The following REV3L variants were observed in gnomAD, a reference collection of about 807,000 sequenced individuals.
The protein encoded by REV3L is DNA polymerase zeta catalytic subunit.
A neutral mutation model predicts 299.4 loss-of-function variants in REV3L; 69 were observed. That is an observed-to-expected ratio of 0.23 (90% CI 0.19 to 0.28). REV3L has a LOEUF of 0.28. Ranked by LOEUF, REV3L falls within the 10% of genes least tolerant of loss-of-function variation. The probability of loss-of-function intolerance (pLI) is 1.00; values close to 1 mark genes in which losing one functional copy is unlikely to be tolerated. For synonymous variants in REV3L, 1,238 were observed against 1,271.4 expected, an observed-to-expected ratio of 0.97 and a Z score of 0.56; for missense variants, 3,128 against 3,693.8, an observed-to-expected ratio of 0.85 and a Z score of 3.97.
Position 111,367,104 on chromosome 6 carries a change from T to G in REV3L, c.6673+11A>C. 6.5e-7 allele frequency: 1 copy of G among 1,543,090 alleles called. No individual in the cohort carries two copies. ...ACAATTATGGAGACTTCCTGTTATT[T>G]GTACACTTACCTGTTGATAATGGGC... On this transcript the variant is annotated intron_variant, in intron 14 of 31. Coordinates refer to ENST00000368802, the MANE Select transcript of REV3L (RefSeq NM_001372078.1).
upstream of REV3L, chr6:111,483,547 G>A (rs1233007203): frequency 6.0e-6 from 3 of 496,916 alleles, no homozygotes; most frequent in Non-Finnish European, 7.8e-6. Flanking sequence ...AGTGTTCGGG[G>A]CCGTTTTGGC....
intron 1 of REV3L, among the ~76,000 whole-genome samples, chr6:111,456,076 C>T (rs1460327706): frequency 1.3e-5 from 2 of 152,152 alleles, no homozygotes; most frequent in Admixed American, 1.3e-4. Context: ...TTTATTTATA[C>T]ATATTTTTTC....
intron 25 of REV3L, among the ~76,000 whole-genome samples, chr6:111,326,227 C>G (rs2114802147): frequency 6.6e-6 from 1 of 152,228 alleles, no homozygotes; most frequent in Non-Finnish European, 1.5e-5. Flanking sequence ...TATTTGCAAA[C>G]TACCCATCTA....
chr6:111,344,986 A>C (rs1034184499), intron 20 of REV3L, among the ~76,000 whole-genome samples: 2 of 152,198 alleles, frequency 1.3e-5, no homozygotes, highest in African/African-American at 4.8e-5. Flanking sequence ...AATGCAGCAC[A>C]CTTCACAGTG....
chr6:111,390,220 G>C (rs1185979197), intron 5 of REV3L, 40 bp from the exon 6 acceptor site: 1 of 1,245,084 alleles, frequency 8.0e-7, no homozygotes, highest in South Asian at 1.2e-5. Flanking sequence ...AATTATGTGA[G>C]AGCAAACTTT....
chr6:111,303,537 T>C (rs1241616272), intron 31 of REV3L, among the ~76,000 whole-genome samples: 1 of 151,420 alleles, frequency 6.6e-6, no homozygotes, highest in East Asian at 1.9e-4. Flanking sequence ...CTGCTAATTT[T>C]TGTATTTTTA....
At chr6:111,423,637 G>A (rs1473192397) in intron 1 of REV3L, among the ~76,000 whole-genome samples, 1 of 152,116 alleles carries the variant, frequency 6.6e-6, no homozygotes, top group Non-Finnish European at 1.5e-5. Context: ...GTTCCCTGTG[G>A]ACACATTGTG....
Position 111,299,958 on chromosome 6 carries a change from A to G in REV3L, c.*58T>C. The G allele has an allele frequency of 6.5e-7, 1 of 1,528,824 alleles. No homozygotes were observed. Among genetic ancestry groups the G allele is most frequent in the South Asian group, 1.3e-5 (1 of 79,954 alleles). 94.7% of individuals were successfully genotyped at this position (1,528,824 alleles called of 1,614,324 possible). A position where few individuals can be genotyped will look rare whatever the true frequency, so the allele number is the denominator to read the frequency against. On this transcript the variant is annotated 3_prime_UTR_variant, in exon 32 of 32. Transcript: ENST00000368802. Reference sequence around the variant, plus strand: ...TGAAAGTTAAAAAGCACCATGCACAACAGTTTAGTGGTAAGCACTGAAAAA... The same window carrying G: ...TGAAAGTTAAAAAGCACCATGCACAGCAGTTTAGTGGTAAGCACTGAAAAA...
At chr6:111,445,452 A>G (rs775561069) in intron 1 of REV3L, among the ~76,000 whole-genome samples, 2 of 152,238 alleles carry the variant, frequency 1.3e-5, no homozygotes, top group Non-Finnish European at 2.9e-5. Context: ...TAGAAATTGG[A>G]GTAAAGTTAC....
At chr6:111,453,398 GGT>G (rs1212736915) in intron 1 of REV3L, among the ~76,000 whole-genome samples, 4 of 152,070 alleles carry the variant, frequency 2.6e-5, no homozygotes, top group Admixed American at 6.5e-5. Flanking sequence ...GGAAAATAGA[GGT>G]ATCTCCATTT....
At chr6:111,468,997 C>A (rs1360294937) in intron 1 of REV3L, among the ~76,000 whole-genome samples, 1 of 151,942 alleles carries the variant, frequency 6.6e-6, no homozygotes, top group African/African-American at 2.4e-5. Context: ...CCTGTCTCTA[C>A]TAAAAATACA....
chr6:111,339,337 C>T lies in REV3L; in HGVS notation c.7539-3727G>A, dbSNP rs1227328712. Among the ~76,000 whole-genome samples the T allele has an allele frequency of 3.3e-5, 5 of 152,050 alleles. No homozygotes were observed. In the East Asian group the frequency reaches 9.7e-4, roughly 29 times the overall value. The stretch of plus-strand genomic sequence containing the variant: ...AGACTAATCCATCCTAGTTTACAAA[C>T]CTAGTACACTAGAACCTGAGATTTT... On this transcript the variant is annotated intron_variant, in intron 21 of 31. Coordinates refer to ENST00000368802, the MANE Select transcript of REV3L (RefSeq NM_001372078.1).
Position 111,331,769 on chromosome 6 carries a change from T to C in REV3L, c.7941A>G (p.Lys2647=). The C allele has an allele frequency of 1.2e-6, 2 of 1,611,098 alleles. No homozygotes were observed. Among genetic ancestry groups the C allele is most frequent in the Non-Finnish European group, 1.7e-6 (2 of 1,177,644 alleles). The part of the protein sequence containing the change: ...VENLGKYDEF[K]FGCTSLRVPP... ...GTACTCTCAGAGAGGTACAGCCAAA[T>C]TTGAACTCATCATACCTGTTAAGAA... Residue 2647 remains lysine, a synonymous_variant, in exon 24 of 32, where the codon AAA becomes AAG. Coordinates refer to ENST00000368802, the MANE Select transcript of REV3L (RefSeq NM_001372078.1).
chr6:111,367,163 G>A lies in REV3L; in HGVS notation c.6625C>T (p.Leu2209Phe), dbSNP rs1473888564. ...GGTGCTTCAGGAAGCCTTTCCAGAA[G>A]TTTTCTCTGTATGATTGGTGTACTA... ...FHSTPIIQRK[L>F]LERLPEAPGL... The change falls in exon 14 of 32, where the codon CTT becomes TTT. Residue 2209 changes from leucine to phenylalanine, a missense_variant. Around this residue, in one of 9 missense-constraint regions of REV3L, gnomAD observed 2,409 missense variants for 2,611.8 expected, o/e 0.92. Coordinates refer to ENST00000368802, the MANE Select transcript of REV3L (RefSeq NM_001372078.1). The A allele has an allele frequency of 6.2e-7, 1 of 1,609,694 alleles. No homozygotes were observed. The highest frequency in any genetic ancestry group is 1.1e-5 in the South Asian group (1 of 89,928).
intron 20 of REV3L, among the ~76,000 whole-genome samples, chr6:111,346,058 A>G (rs1776991041): frequency 6.6e-6 from 1 of 152,186 alleles, no homozygotes; most frequent in Non-Finnish European, 1.5e-5. Flanking sequence ...ATCACAAGAG[A>G]ACTTCCACAG....
At chr6:111,371,534 G>A (rs547757356) in intron 13 of REV3L, among the ~76,000 whole-genome samples, 18 of 151,378 alleles carry the variant, frequency 1.2e-4, no homozygotes, top group Admixed American at 2.6e-4. Context: ...GGGACCACAG[G>A]TGCATGCCAC....
chr6:111,431,489 G>A lies in REV3L; in HGVS notation c.140-15017C>T, dbSNP rs17539253. ...ATGAGACCACCAGATTGCTCAGGGA[G>A]CTAGCTCCAGGAAGCCCAGAATGAA... On this transcript the variant is annotated intron_variant, in intron 1 of 31. Coordinates refer to ENST00000368802, the MANE Select transcript of REV3L (RefSeq NM_001372078.1). 9.8e-5 allele frequency: 98 copies of A among 996,240 alleles called. No homozygotes were observed. In the African/African-American group the frequency reaches 1.4e-3, roughly 14 times the overall value. The allele number at this position is 996,240 out of a possible 1,614,324, so 61.7% of individuals were successfully genotyped here. A position where few individuals can be genotyped will look rare whatever the true frequency, so the allele number is the denominator to read the frequency against.
intron 1 of REV3L, among the ~76,000 whole-genome samples, chr6:111,462,968 T>A (rs2128327462): frequency 6.6e-6 from 1 of 151,930 alleles, no homozygotes; most frequent in Middle Eastern, 3.4e-3. Context: ...GGGGCTAGTA[T>A]CTTTGGCCCT....
intron 1 of REV3L, among the ~76,000 whole-genome samples, chr6:111,456,221 T>C (rs1790142207): frequency 6.6e-6 from 1 of 152,188 alleles, no homozygotes; most frequent in African/African-American, 2.4e-5. Context: ...GTCTTCCTTT[T>C]TACCAGAGGA....
Sources: gnomAD v4.1 joint callset for allele counts (sites outside exome capture counted in the v4.1 genomes callset) on GRCh38, gnomAD v4.1.1 for gene constraint, gnomAD v4.1.1 regional missense constraint, MANE v1.5 for transcripts, NCBI Gene and HGNC (gene_info 2026-07-23, HGNC 2026-07-21) for gene names.